The following TMEM17 variants were observed in gnomAD, a reference collection of about 807,000 sequenced individuals.
TMEM17 encodes transmembrane protein 17.
In TMEM17, 15 loss-of-function variants were observed where a neutral mutation model predicts 19.1. The ratio of observed to expected loss-of-function variants is 0.78; its 90% CI spans 0.52 to 1.21. TMEM17 has a LOEUF of 1.21. Ranked by LOEUF, TMEM17 falls within the 50% of genes most tolerant of loss-of-function variation. TMEM17 has a pLI of 0.00. For missense variants in TMEM17, 245 were observed against 242.3 expected (o/e 1.01, Z -0.07); for synonymous variants, 103 against 86.9 (o/e 1.19, Z -1.03).
chr2:62,498,197 C>CAACATGGTGAAACCCTGCCTCTACTAA (rs1679818432), downstream of TMEM17, among the ~76,000 whole-genome samples: 2 of 148,924 alleles, frequency 1.3e-5, no homozygotes, highest in Non-Finnish European at 3.0e-5. Flanking sequence ...CCAGCCTGGC[C>CAACATGGTGAAACCCTGCCTCTACTAA]AACATGGTGA....
At chr2:62,471,054 T>C in the TMEM17 span, among the ~76,000 whole-genome samples, 1 of 152,230 alleles carries the variant, frequency 6.6e-6, no homozygotes. Flanking sequence ...TCTCTCCAGA[T>C]GCAGGGTCTG....
the TMEM17 span, among the ~76,000 whole-genome samples, chr2:62,482,864 C>G: frequency 6.6e-6 from 1 of 152,182 alleles, no homozygotes; most frequent in Non-Finnish European, 1.5e-5. Context: ...TTTGCTGAAG[C>G]TAGTTTGGGT....
chr2:62,481,610 A>G, the TMEM17 span, among the ~76,000 whole-genome samples: 13 of 152,116 alleles, frequency 8.5e-5, no homozygotes, highest in Middle Eastern at 6.8e-3. Context: ...CTTTCCCTCT[A>G]TACATAATTT....
the TMEM17 span, among the ~76,000 whole-genome samples, chr2:62,463,664 G>A: frequency 6.6e-6 from 1 of 152,182 alleles, no homozygotes; most frequent in Non-Finnish European, 1.5e-5. Context: ...AGGAGGCAGA[G>A]AAATTCTAGG....
the TMEM17 span, among the ~76,000 whole-genome samples, chr2:62,460,475 A>C: frequency 6.6e-6 from 1 of 152,334 alleles, no homozygotes; most frequent in East Asian, 1.9e-4. Context: ...ACTCTCACCC[A>C]CAAACCTTTT....
intron 1 of TMEM17, among the ~76,000 whole-genome samples, chr2:62,505,513 T>C (rs2103736825): frequency 6.8e-6 from 1 of 146,338 alleles, no homozygotes; most frequent in African/African-American, 2.5e-5. Flanking sequence ...CTTAGGAACA[T>C]ACTTGTTCTG....
chr2:62,489,017 G>C, the TMEM17 span, among the ~76,000 whole-genome samples: 3 of 152,144 alleles, frequency 2.0e-5, no homozygotes, highest in Non-Finnish European at 2.9e-5. Flanking sequence ...CCCTTACCAG[G>C]TGACTCAAGG....
chr2:62,472,234 C>T, the TMEM17 span, among the ~76,000 whole-genome samples: 2 of 152,176 alleles, frequency 1.3e-5, no homozygotes, highest in African/African-American at 4.8e-5. Context: ...CCAACAAAAG[C>T]TCTGAAATGT....
chr2:62,486,314 T>TGGATCAGAA, the TMEM17 span, among the ~76,000 whole-genome samples: 9,263 of 152,164 alleles, frequency 0.061, 398 homozygotes, highest in Middle Eastern at 0.088. Context: ...CTGATCCACC[T>TGGATCAGAA]TTGGAATTCC....
At chr2:62,480,183 T>C in the TMEM17 span, among the ~76,000 whole-genome samples, 2 of 152,202 alleles carry the variant, frequency 1.3e-5, no homozygotes, top group Non-Finnish European at 2.9e-5. Flanking sequence ...ATTTTTTTCA[T>C]GTCTTTCTTT....
At chr2:62,503,976 A>C (rs1212778473) in intron 1 of TMEM17, among the ~76,000 whole-genome samples, 1 of 152,228 alleles carries the variant, frequency 6.6e-6, no homozygotes, top group African/African-American at 2.4e-5. Flanking sequence ...TACAAAATAC[A>C]TCCTAAATTT....
the TMEM17 span, among the ~76,000 whole-genome samples, chr2:62,469,772 T>G: frequency 6.6e-6 from 1 of 152,258 alleles, no homozygotes; most frequent in Admixed American, 6.5e-5. Flanking sequence ...GTGGCTTTTC[T>G]GTTGGCTGAC....
At chr2:62,466,270 C>T in the TMEM17 span, among the ~76,000 whole-genome samples, 1 of 152,030 alleles carries the variant, frequency 6.6e-6, no homozygotes, top group African/African-American at 2.4e-5. Flanking sequence ...GGCTGGTGCT[C>T]TGGGGTGGGA....
chr2:62,462,557 G>A, the TMEM17 span, among the ~76,000 whole-genome samples: 2 of 152,152 alleles, frequency 1.3e-5, no homozygotes, highest in Non-Finnish European at 2.9e-5. Context: ...CCCCATGGAA[G>A]GTACTCAGTA....
At chr2:62,492,219 G>T in the TMEM17 span, among the ~76,000 whole-genome samples, 1 of 152,308 alleles carries the variant, frequency 6.6e-6, no homozygotes, top group South Asian at 2.1e-4. Flanking sequence ...AACCAGACAA[G>T]GTTAGGTCTA....
At chr2:62,461,615 G>C in the TMEM17 span, among the ~76,000 whole-genome samples, 2 of 152,156 alleles carry the variant, frequency 1.3e-5, no homozygotes, top group Non-Finnish European at 2.9e-5. Context: ...GTTAAAATGT[G>C]GCCCAGGACT....
the TMEM17 span, among the ~76,000 whole-genome samples, chr2:62,463,471 AGAG>A: frequency 6.6e-6 from 1 of 152,264 alleles, no homozygotes; most frequent in Non-Finnish European, 1.5e-5. Flanking sequence ...GACAGGAGTT[AGAG>A]AAGAAATAGG....
At chr2:62,471,913 G>A in the TMEM17 span, among the ~76,000 whole-genome samples, 1 of 152,366 alleles carries the variant, frequency 6.6e-6, no homozygotes, top group East Asian at 1.9e-4. Context: ...ATCTGGCAGA[G>A]GGACTCTTGG....
the TMEM17 span, among the ~76,000 whole-genome samples, chr2:62,474,581 T>A: frequency 6.6e-6 from 1 of 152,214 alleles, no homozygotes; most frequent in African/African-American, 2.4e-5. Context: ...ACCTACTGTA[T>A]GGCAGCTACT....
Sources: allele counts gnomAD v4.1 joint callset (sites outside exome capture counted in the v4.1 genomes callset), GRCh38; gene constraint gnomAD v4.1.1; transcripts MANE v1.5; gene names NCBI Gene and HGNC (gene_info 2026-07-23, HGNC 2026-07-21).